The following TMPO variants were observed in gnomAD, a reference collection of about 807,000 sequenced individuals.
TMPO encodes LEM domain containing 4.
A neutral mutation model predicts 45.4 loss-of-function variants in TMPO; 22 were observed. The observed-to-expected ratio is 0.48, with a 90% CI of 0.35 to 0.69. The LOEUF is 0.69. Among genes scored for constraint, TMPO ranks in the 30% least tolerant of loss-of-function variants. The pLI, the probability that TMPO is intolerant of heterozygous loss-of-function variation, is 0.01. For synonymous variants in TMPO, 241 were observed against 204.1 expected, an observed-to-expected ratio of 1.18 and a Z score of -1.54; for missense variants, 512 against 548.8, an observed-to-expected ratio of 0.93 and a Z score of 0.67.
intron 3 of TMPO, among the ~76,000 whole-genome samples, chr12:98,535,921 T>C (rs769076181): frequency 1.1e-4 from 16 of 152,216 alleles, no homozygotes; most frequent in Non-Finnish European, 2.1e-4. Flanking sequence ...TTTTTTTACT[T>C]TGTGCTTTCT....
chr12:98,518,976 G>A (rs984435046), intron 1 of TMPO, among the ~76,000 whole-genome samples: 1 of 152,000 alleles, frequency 6.6e-6, no homozygotes, highest in Non-Finnish European at 1.5e-5. Context: ...CTGCCTCGTG[G>A]GTTCATGCCA....
At chr12:98,531,573 A>T in intron 2 of TMPO, 107 bp from the exon 3 acceptor site, 1 of 1,210,566 alleles carries the variant, frequency 8.3e-7, no homozygotes, top group Non-Finnish European at 1.2e-6. Context: ...ACTTGAGTTT[A>T]GAAAAATAAA....
intron 4 of TMPO, among the ~76,000 whole-genome samples, chr12:98,539,202 A>AAAATAAAT (rs71436918): frequency 0.068 from 10,307 of 151,400 alleles, 517 homozygotes; most frequent in East Asian, 0.2. Context: ...CTCTGTCTCA[A>AAAATAAAT]AAATAAATAA....
rs1430042362 is a variant in TMPO, at chr12:98,515,788, G to C, written c.-80G>C. ...CCGTGAGGCTCGGAGGCGGCAGCGC[G>C]GTCCCCGGCCAGGAGCAAGCGCGCC... On this transcript the variant is annotated 5_prime_UTR_variant, in exon 1 of 9. Transcript: ENST00000556029. 2.6e-6 allele frequency: 4 copies of C among 1,552,644 alleles called. No individual in the cohort carries two copies. Among genetic ancestry groups the C allele is most frequent in the Non-Finnish European group, 3.5e-6 (4 of 1,149,290 alleles).
chr12:98,543,660 G>A (rs1878056424), intron 4 of TMPO, among the ~76,000 whole-genome samples: 1 of 152,120 alleles, frequency 6.6e-6, no homozygotes, highest in Admixed American at 6.5e-5. Flanking sequence ...GGTTTTTGTG[G>A]CTACCTAATT....
chr12:98,524,793 C>T (rs1876642745), intron 1 of TMPO, among the ~76,000 whole-genome samples: 1 of 151,932 alleles, frequency 6.6e-6, no homozygotes, highest in Non-Finnish European at 1.5e-5. Context: ...GGGGTTTCAC[C>T]GTGTTGGCCA....
chr12:98,523,541 C>CAAAAAAAAAAA (rs747050595), intron 1 of TMPO, among the ~76,000 whole-genome samples: 1 of 133,494 alleles, frequency 7.5e-6, no homozygotes. Context: ...GACTCCATCT[C>CAAAAAAAAAAA]AAAAAAAAAA....
In TMPO at chr12:98,534,598, G is replaced by A. The variant is rs965017149; in HGVS notation, c.565+2760G>A. 11 of 1,246,588 alleles carry A rather than the reference G, an allele frequency of 8.8e-6. No homozygotes were observed. The African/African-American group carries it at 1.5e-4, about 17-fold the overall frequency. 77.2% of individuals were successfully genotyped at this position (1,246,588 alleles called of 1,614,324 possible). A position where few individuals can be genotyped will look rare whatever the true frequency, so the allele number is the denominator to read the frequency against. ...CATATTAGTCTCTAAGTTGTTTTCT[G>A]TTTCCTGCTTTACTTATGTTTTTAC... On this transcript the variant is annotated intron_variant, in intron 3 of 8. Coordinates refer to ENST00000556029, the MANE Select transcript of TMPO (RefSeq NM_001032283.3).
chr12:98,516,631 G>A, intron 1 of TMPO: 1 of 800,720 alleles, frequency 1.2e-6, no homozygotes, highest in Non-Finnish European at 1.5e-6. Context: ...AATTTGAAAT[G>A]AGGAAATTCC....
intron 1 of TMPO, 47 bp downstream of exon 1, chr12:98,516,193 C>CCGCG (rs1875790020): frequency 7.6e-7 from 1 of 1,320,964 alleles, no homozygotes; most frequent in East Asian, 3.1e-5. Flanking sequence ...TTGGCGGTTG[C>CCGCG]CGCGCGCGCT....
chr12:98,526,001 C>G (rs566927644), intron 1 of TMPO, among the ~76,000 whole-genome samples: 17 of 152,286 alleles, frequency 1.1e-4, no homozygotes, highest in Non-Finnish European at 2.1e-4. Flanking sequence ...ATTTGTCAGG[C>G]TGTTTGCCAC....
chr12:98,537,631 T>G lies in TMPO; in HGVS notation c.663+59T>G, dbSNP rs576413549. 50 of 1,309,210 alleles carry G rather than the reference T, an allele frequency of 3.8e-5. No homozygotes were observed. The Middle Eastern group carries it at 1.3e-3, about 33-fold the overall frequency. 81.1% of individuals were successfully genotyped at this position (1,309,210 alleles called of 1,614,324 possible). ...ATAAATAACCTCCTGACAACACTAA[T>G]CCATGTTTTAGCCTTTAATGGTTGA... is the stretch of plus-strand genomic sequence containing the variant. On this transcript the variant is annotated intron_variant, in intron 4 of 8. Transcript: ENST00000556029.
At chr12:98,523,768 C>G (rs938016685) in intron 1 of TMPO, among the ~76,000 whole-genome samples, 2 of 152,112 alleles carry the variant, frequency 1.3e-5, no homozygotes, top group African/African-American at 4.8e-5. Flanking sequence ...CTCCGCCTCC[C>G]CAATTCAAGT....
At position 98,541,190 on chromosome 12, in the gene TMPO, C is replaced by T. The variant is rs562341084; in HGVS notation, c.664-3040C>T. Among the ~76,000 whole-genome samples the T allele has an allele frequency of 7.2e-5, 11 of 152,226 alleles. No individual in the cohort carries two copies. In the East Asian group the frequency reaches 2.1e-3, roughly 29 times the overall value. On this transcript the variant is annotated intron_variant, in intron 4 of 8. Coordinates refer to ENST00000556029, the MANE Select transcript of TMPO (RefSeq NM_001032283.3). ...GTCCCAGGCTCATGTATACTTCCTG[C>T]GTCATGCCTGGAATCAGCCATGTTT...
chr12:98,516,451 G>A, intron 1 of TMPO: 1 of 1,148,284 alleles, frequency 8.7e-7, no homozygotes, highest in South Asian at 4.3e-5. Context: ...CGCCTGCAGC[G>A]GGCGTTTAGA....
rs776054749 is a variant in TMPO, at chr12:98,527,936, A to G, written c.330A>G (p.Leu110=). Residue 110 remains leucine, a synonymous_variant, in exon 2 of 9, where the codon CTA becomes CTG. Transcript: ENST00000556029. ...CCAGACAAGAAGATAAAGATGATCTAGATGTAACAGAGCTCACTAATGAAG... is the reference window on the plus strand; with the variant it reads ...CCAGACAAGAAGATAAAGATGATCTGGATGTAACAGAGCTCACTAATGAAG... ...DKPRQEDKDD[L]DVTELTNEDL... is the part of the protein sequence containing the mutation. 1.4e-5 allele frequency: 22 copies of G among 1,613,810 alleles called. No homozygotes were observed. In the Middle Eastern group the frequency reaches 6.6e-4, roughly 48 times the overall value.
intron 1 of TMPO, among the ~76,000 whole-genome samples, chr12:98,523,683 T>C (rs1876550922): frequency 1.3e-5 from 2 of 152,174 alleles, no homozygotes. Flanking sequence ...TCTTTCTTTC[T>C]TTTTTTTCTT....
At chr12:98,516,576 A>G in intron 1 of TMPO, 2 of 1,001,322 alleles carry the variant, frequency 2.0e-6, no homozygotes, top group Middle Eastern at 5.0e-4. Context: ...AGAGTCTCAG[A>G]GCGCTCCCTG....
At chr12:98,538,196 C>T (rs1181351124) in intron 4 of TMPO, among the ~76,000 whole-genome samples, 1 of 151,988 alleles carries the variant, frequency 6.6e-6, no homozygotes, top group Non-Finnish European at 1.5e-5. Context: ...ATTGACTAAC[C>T]TAGTATTGTT....
Sources: allele counts gnomAD v4.1 joint callset (sites outside exome capture counted in the v4.1 genomes callset), GRCh38; gene constraint gnomAD v4.1.1; transcripts MANE v1.5; gene names NCBI Gene and HGNC (gene_info 2026-07-23, HGNC 2026-07-21).